Variants in HOXC5 observed in about 807,000 individuals in gnomAD.
HOXC5 encodes the protein homeobox protein Hox-C5.
A neutral mutation model predicts 20.1 loss-of-function variants in HOXC5; 19 were observed. The observed-to-expected ratio is 0.94, with a 90% CI of 0.66 to 1.38. The LOEUF is 1.38. Ranked by LOEUF, HOXC5 falls within the 40% of genes most tolerant of loss-of-function variation. The probability of loss-of-function intolerance (pLI) is 0.00; values close to 1 mark genes in which losing one functional copy is unlikely to be tolerated. For synonymous variants in HOXC5, 124 were observed against 117.0 expected (o/e 1.06, Z -0.39); for missense variants, 330 against 300.1 (o/e 1.10, Z -0.74).
At chr12:54,031,557 A>G (rs1030501843), upstream of HOXC5, among the ~76,000 whole-genome samples, 32 of 152,130 alleles carry the variant, frequency 2.1e-4, no homozygotes, top group African/African-American at 7.5e-4. Flanking sequence ...ACCATTTATC[A>G]ACCCTGGCCT....
Position 54,034,310 on chromosome 12 carries a change from A to C in HOXC5, c.487A>C (p.Thr163Pro). 1 of 1,614,068 alleles carries C rather than the reference A, an allele frequency of 6.2e-7. No individual in the cohort carries two copies. The change falls in exon 2 of 2, where the codon ACG becomes CCG. Residue 163 changes from threonine (T) to proline (P), a missense_variant. Thr to Pro is a conservative substitution (Grantham distance 38). Coordinates refer to ENST00000312492, the MANE Select transcript of HOXC5 (RefSeq NM_018953.4). ...CGGCAAGCGGTCCCGAACCAGTTACACGCGCTACCAGACTCTGGAACTCGA... is the reference window on the plus strand; with the variant it reads ...CGGCAAGCGGTCCCGAACCAGTTACCCGCGCTACCAGACTCTGGAACTCGA... Reference protein sequence around the residue: ...TDGKRSRTSYTRYQTLELEKE... With the variant: ...TDGKRSRTSYPRYQTLELEKE...
upstream of HOXC5, chr12:54,028,622 T>G (rs1940839324): frequency 2.5e-6 from 4 of 1,614,088 alleles, no homozygotes; most frequent in Admixed American, 1.7e-5. Flanking sequence ...TATGATCCAG[T>G]GAGGCATTTC....
chr12:54,026,128 G>C, the HOXC5 span, among the ~76,000 whole-genome samples: 1 of 152,104 alleles, frequency 6.6e-6, no homozygotes, highest in Non-Finnish European at 1.5e-5. Context: ...AATTGGAGGG[G>C]GGGACAGAGT....
upstream of HOXC5, among the ~76,000 whole-genome samples, chr12:54,031,614 G>A (rs150432270): frequency 1.9e-3 from 295 of 152,326 alleles, 1 homozygote; most frequent in African/African-American, 6.5e-3. Context: ...CCTACAGGGA[G>A]AGGTGTTGAG....
chr12:54,034,180 C>A, intron 1 of HOXC5, 98 bp from the exon 2 acceptor site: 1 of 1,191,916 alleles, frequency 8.4e-7, no homozygotes, highest in Non-Finnish European at 1.2e-6. Flanking sequence ...CGCCTCCTCT[C>A]CCTCCGGCCG....
chr12:54,022,374 A>T, the HOXC5 span: 1 of 152,192 alleles, frequency 6.6e-6, no homozygotes, highest in Non-Finnish European at 1.5e-5. Flanking sequence ...TAAAGATCCT[A>T]TATGTCTCCA....
the HOXC5 span, chr12:54,022,378 G>A: frequency 6.6e-6 from 1 of 152,226 alleles, no homozygotes; most frequent in Admixed American, 6.5e-5. Flanking sequence ...GATCCTATAT[G>A]TCTCCAATCC....
At chr12:54,021,264 G>A in the HOXC5 span, 1 of 152,200 alleles carries the variant, frequency 6.6e-6, no homozygotes, top group African/African-American at 2.4e-5. Context: ...AGTTCTCTAA[G>A]GTCCCCCAAA....
chr12:54,027,297 T>A, the HOXC5 span, among the ~76,000 whole-genome samples: 1 of 152,210 alleles, frequency 6.6e-6, no homozygotes, highest in South Asian at 2.1e-4. Context: ...CTTTCTGAAG[T>A]CTCCAAGCCT....
the HOXC5 span, among the ~76,000 whole-genome samples, chr12:54,026,759 T>TC: frequency 1.6e-4 from 24 of 152,118 alleles, no homozygotes; most frequent in East Asian, 4.3e-3. Context: ...ACTTTATTTT[T>TC]CCCCCCTAGC....
the HOXC5 span, chr12:54,020,538 A>G: frequency 6.6e-5 from 10 of 152,218 alleles, no homozygotes; most frequent in Non-Finnish European, 1.3e-4. Context: ...GGAGTGTTAT[A>G]TATTTATTAT....
chr12:54,025,654 G>A, the HOXC5 span, among the ~76,000 whole-genome samples: 1 of 151,966 alleles, frequency 6.6e-6, no homozygotes, highest in Middle Eastern at 3.2e-3. Context: ...CCAGCAGCTG[G>A]TTTCTGTTCA....
At chr12:54,018,609 G>C in the HOXC5 span, among the ~76,000 whole-genome samples, 16 of 152,196 alleles carry the variant, frequency 1.1e-4, no homozygotes, top group Admixed American at 9.8e-4. Context: ...AATGTACGTG[G>C]CCCTGAATGT....
chr12:54,023,130 G>A, the HOXC5 span, among the ~76,000 whole-genome samples: 1 of 152,112 alleles, frequency 6.6e-6, no homozygotes, highest in African/African-American at 2.4e-5. Flanking sequence ...CTCTCCCCAA[G>A]CCCCCTCCTC....
At chr12:54,020,051 C>G in the HOXC5 span, 1 of 152,340 alleles carries the variant, frequency 6.6e-6, no homozygotes, top group South Asian at 2.1e-4. Flanking sequence ...ATTTTCTTTC[C>G]CTTCTCCTTC....
upstream of HOXC5, chr12:54,030,662 G>A (rs933865632): frequency 1.3e-5 from 2 of 152,552 alleles, no homozygotes; most frequent in East Asian, 1.9e-4. Context: ...AAAAAAGAGG[G>A]AAAATTACAA....
At chr12:54,025,147 A>G in the HOXC5 span, among the ~76,000 whole-genome samples, 2 of 152,306 alleles carry the variant, frequency 1.3e-5, no homozygotes, top group South Asian at 4.1e-4. Context: ...TTTTATAGAA[A>G]CAAAGAACAA....
At chr12:54,028,520 G>T (rs1565741060), upstream of HOXC5, 1 of 1,613,256 alleles carries the variant, frequency 6.2e-7, no homozygotes, top group Non-Finnish European at 8.5e-7. Flanking sequence ...AAAGGCAAAG[G>T]GATGAATTCC....
the HOXC5 span, among the ~76,000 whole-genome samples, chr12:54,024,449 CAG>C: frequency 6.6e-6 from 1 of 152,154 alleles, no homozygotes; most frequent in Non-Finnish European, 1.5e-5. Flanking sequence ...AACATCCGCG[CAG>C]AGTTAGGGGA....
Sources: allele counts gnomAD v4.1 joint callset (sites outside exome capture counted in the v4.1 genomes callset), GRCh38; gene constraint gnomAD v4.1.1; transcripts MANE v1.5; gene names NCBI Gene and HGNC (gene_info 2026-07-23, HGNC 2026-07-21).